ELK1: variants seen among roughly 807,000 people sequenced by gnomAD.
ELK1 encodes ETS domain-containing protein Elk-1.
For synonymous variants in ELK1, 163 were observed against 176.3 expected, an observed-to-expected ratio of 0.92 and a Z score of 0.60; for missense variants, 254 against 381.5, an observed-to-expected ratio of 0.67 and a Z score of 2.78.
intron 2 of ELK1, among the ~76,000 whole-genome samples, chrX:47,645,972 C>G (rs2058042298): frequency 9.0e-6 from 1 of 111,416 alleles, no homozygotes; most frequent in Non-Finnish European, 1.9e-5. Context: ...CCTCTCTTTG[C>G]TTGTTTCCTC....
chrX:47,644,350 C>T (rs780065224), intron 2 of ELK1, among the ~76,000 whole-genome samples: 8 of 111,629 alleles, frequency 7.2e-5, no homozygotes, highest in Non-Finnish European at 1.5e-4. Context: ...ATCTCCTTCA[C>T]TTAGCAAGCA....
At position 47,648,584 on chromosome X, in the gene ELK1, T is replaced by C. The variant is rs1012101776; in HGVS notation, c.-35+1337A>G. Among the ~76,000 whole-genome samples the C allele has an allele frequency of 3.6e-5, 4 of 111,912 alleles. No homozygotes were observed. The Admixed American group carries it at 3.8e-4, about 11-fold the overall frequency. On this transcript the variant is annotated intron_variant, in intron 2 of 6. Transcript: ENST00000376983. The stretch of plus-strand genomic sequence containing the variant: ...ACCATGCAGAGATCTGGGGGTGGTG[T>C]TCAAGGCACAAAGAACAGCCAATGC...
chrX:47,643,187 T>C (rs1400749302), intron 2 of ELK1, among the ~76,000 whole-genome samples: 1 of 111,895 alleles, frequency 8.9e-6, no homozygotes, highest in Admixed American at 9.4e-5. Flanking sequence ...CCTCCTAAAG[T>C]GCTAGGATTA....
Position 47,650,485 on chromosome X carries a change from C to A in ELK1, c.-203G>T, listed in dbSNP as rs1417335831. Reference sequence around the variant, plus strand: ...AGCTCCGGGGGGCGGGGGCTCCATACGCGGCCCCACCGCCCCCCAGGCCTG... The same window carrying A: ...AGCTCCGGGGGGCGGGGGCTCCATAAGCGGCCCCACCGCCCCCCAGGCCTG... On this transcript the variant is annotated 5_prime_UTR_variant, in exon 1 of 7. Transcript: ENST00000376983. 1 of 338,876 alleles carries A rather than the reference C, an allele frequency of 3.0e-6. No homozygotes were observed. The highest frequency in any genetic ancestry group is 5.6e-6 in the Non-Finnish European group (1 of 177,030). 27.9% of individuals were successfully genotyped at this position (338,876 alleles called of 1,213,427 possible). A position where few individuals can be genotyped will look rare whatever the true frequency, so the allele number is the denominator to read the frequency against.
intron 2 of ELK1, among the ~76,000 whole-genome samples, chrX:47,646,403 C>T (rs1422168265): frequency 1.8e-5 from 2 of 111,337 alleles, no homozygotes; most frequent in African/African-American, 3.3e-5. Flanking sequence ...GTGATCCTCC[C>T]ACCTCAGCCT....
chrX:47,649,834 G>A (rs1223235935), intron 2 of ELK1, 87 bp downstream of exon 2: 1 of 36,556 alleles, frequency 2.7e-5, no homozygotes, highest in Non-Finnish European at 5.1e-5. Flanking sequence ...TGGTGGTGGT[G>A]GGGGGGGGGG....
At chrX:47,648,843 T>A (rs2058051136) in intron 2 of ELK1, 1 of 110,253 alleles carries the variant, frequency 9.1e-6, no homozygotes. Flanking sequence ...AAATCACTCA[T>A]CTAAGGTCAC....
chrX:47,648,370 T>A (rs745668169), intron 2 of ELK1, among the ~76,000 whole-genome samples: 1 of 113,032 alleles, frequency 8.8e-6, no homozygotes, highest in Admixed American at 9.3e-5. Flanking sequence ...CCTATGCCTT[T>A]ACAGAGCATA....
At chrX:47,649,725 T>C (rs1470233056) in intron 2 of ELK1, among the ~76,000 whole-genome samples, 196 bp downstream of exon 2, 1 of 106,481 alleles carries the variant, frequency 9.4e-6, no homozygotes, top group East Asian at 3.0e-4. Flanking sequence ...CCCCAAGCGC[T>C]AGAGCGACAG....
intron 3 of ELK1, among the ~76,000 whole-genome samples, chrX:47,640,470 T>C (rs770321681): frequency 1.8e-5 from 2 of 109,675 alleles, no homozygotes; most frequent in South Asian, 7.8e-4. Context: ...AGTAGAAGGA[T>C]TAAGAAAATG....
In ELK1 at chrX:47,637,755, G is replaced by A. The variant is rs1461600649; in HGVS notation, c.1082C>T (p.Thr361Ile). ...CACCCCTCCGCAGGCACTCACCAAT[G>A]TATGCGTAGGAAGCAGGGATGGGGT... ...ALTPSLLPTH[T>I]LTPVLLTPSS... Residue 361 changes from threonine (T) to isoleucine (I), a missense_variant, in exon 5 of 7, where the codon ACA becomes ATA. Transcript: ENST00000376983. 1 of 1,189,872 alleles carries A rather than the reference G, an allele frequency of 8.4e-7. No homozygotes were observed. The highest frequency in any genetic ancestry group is 1.8e-5 in the South Asian group (1 of 54,634).
chrX:47,637,718 G>A (rs1447702230), intron 5 of ELK1, 33 bp downstream of exon 5: 26 of 1,155,764 alleles, frequency 2.2e-5, no homozygotes, highest in South Asian at 7.7e-5. Flanking sequence ...TGGTGCTGGC[G>A]CCCACACACC....
Position 47,639,050 on chromosome X carries a change from G to A in ELK1, c.499C>T (p.Leu167=), listed in dbSNP as rs772291074. Residue 167 remains leucine (L), a synonymous_variant, in exon 4 of 7, where the codon CTG becomes TTG. Coordinates refer to ENST00000376983, the MANE Select transcript of ELK1 (RefSeq NM_001114123.3). ...GGATGAGGGGGTGGCTGCGGCTGCAGAGACTGGATGGTGAAGGTGGAATAG... is the reference window on the plus strand; with the variant it reads ...GGATGAGGGGGTGGCTGCGGCTGCAAAGACTGGATGGTGAAGGTGGAATAG... ...GLYSTFTIQS[L]QPQPPPHPRP... The A allele has an allele frequency of 6.7e-6, 8 of 1,202,529 alleles. No homozygotes were observed. The African/African-American group carries it at 1.2e-4, about 18-fold the overall frequency.
At position 47,650,498 on chromosome X, in the gene ELK1, C is replaced by T. The variant is rs1603096058; in HGVS notation, c.-216G>A. Reference sequence around the variant, plus strand: ...GGGGGCTCCATACGCGGCCCCACCGCCCCCCAGGCCTGGGTTCCGAGGCGG... The same window carrying T: ...GGGGGCTCCATACGCGGCCCCACCGTCCCCCAGGCCTGGGTTCCGAGGCGG... On this transcript the variant is annotated 5_prime_UTR_variant, in exon 1 of 7. Transcript: ENST00000376983. The T allele has an allele frequency of 6.2e-6, 2 of 322,950 alleles. No individual in the cohort carries two copies. Among genetic ancestry groups the T allele is most frequent in the East Asian group, 9.5e-5 (1 of 10,572 alleles). 26.6% of individuals were successfully genotyped at this position (322,950 alleles called of 1,213,427 possible). A position where few individuals can be genotyped will look rare whatever the true frequency, so the allele number is the denominator to read the frequency against.
chrX:47,649,707 G>A (rs1283362517), intron 2 of ELK1, among the ~76,000 whole-genome samples: 1 of 110,015 alleles, frequency 9.1e-6, no homozygotes, highest in African/African-American at 3.3e-5. Flanking sequence ...CTATTAAAAA[G>A]GAGAGAACCC....
rs148725192 is a variant in ELK1, at chrX:47,639,120, G to A, written c.429C>T (p.Gly143=). Residue 143 remains glycine, a synonymous_variant, in exon 4 of 7, where the codon GGC becomes GGT. Transcript: ENST00000376983. ...CGTTCCGGCTGCTGCGTGCCAAACC[G>A]CCTGGGCCTGCCATTCCTGCACCCT... ...TPKGAGMAGP[G]GLARSSRNEY... is the part of the protein sequence containing the mutation. 231 of 1,201,593 alleles carry A rather than the reference G, an allele frequency of 1.9e-4. No homozygotes were observed. In the African/African-American group the frequency reaches 3.8e-3, roughly 20 times the overall value.
chrX:47,638,297 A>G, intron 4 of ELK1, 115 bp from the exon 5 acceptor site: 1 of 915,893 alleles, frequency 1.1e-6, no homozygotes, highest in East Asian at 3.4e-5. Flanking sequence ...TCAGGGCATG[A>G]CTGCACATCA....
chrX:47,637,251 G>A (rs1191450971), intron 5 of ELK1, 137 bp from the exon 6 acceptor site: 1 of 605,126 alleles, frequency 1.7e-6, no homozygotes, highest in Non-Finnish European at 2.6e-6. Context: ...ACACCTAGAT[G>A]GTAACCATGG....
chrX:47,643,624 C>T (rs1030409404), intron 2 of ELK1, among the ~76,000 whole-genome samples: 1 of 111,030 alleles, frequency 9.0e-6, no homozygotes, highest in Non-Finnish European at 1.9e-5. Context: ...ATCATGTTAC[C>T]TTTCTGAAAT....
Sources: allele counts gnomAD v4.1 joint callset (sites outside exome capture counted in the v4.1 genomes callset), GRCh38; gene constraint gnomAD v4.1.1; transcripts MANE v1.5; gene names NCBI Gene and HGNC (gene_info 2026-07-23, HGNC 2026-07-21).